GPC6: variants seen among roughly 807,000 people sequenced by gnomAD.
The protein encoded by GPC6 is glypican-6.
GPC6 carries 14 observed loss-of-function variants against 55.2 expected under a neutral mutation model. That is an observed-to-expected ratio of 0.25 (90% confidence interval 0.17 to 0.40). The LOEUF is 0.40. Ranked by LOEUF, GPC6 falls within the 10% of genes least tolerant of loss-of-function variation. The pLI, the probability that GPC6 is intolerant of heterozygous loss-of-function variation, is 1.00. For missense variants in GPC6, 641 were observed against 708.5 expected (o/e 0.90, Z 1.08); for synonymous variants, 278 against 259.6 (o/e 1.07, Z -0.68).
chr13:94,234,985 G>A (rs1356861091), intron 4 of GPC6, among the ~76,000 whole-genome samples: 1 of 152,144 alleles, frequency 6.6e-6, no homozygotes, highest in African/African-American at 2.4e-5. Context: ...TCAATGCATA[G>A]AGCCTTTTAG....
At chr13:93,495,076 G>GCAAT (rs1880205177) in intron 1 of GPC6, among the ~76,000 whole-genome samples, 1 of 114,574 alleles carries the variant, frequency 8.7e-6, no homozygotes, top group Non-Finnish European at 1.8e-5. Context: ...GGCCTGCCTT[G>GCAAT]CTAGATTGGG....
rs773575076 is a variant in GPC6 at position 94,306,004 on chromosome 13, A to G, written c.1033A>G (p.Lys345Glu). Residue 345 changes from lysine to glutamate, a missense_variant, in exon 6 of 9, where the codon AAA becomes GAA. Coordinates refer to ENST00000377047, the MANE Select transcript of GPC6 (RefSeq NM_005708.5). ...GGTCTTTCAGGGATGTGGTCAGCCC[A>G]AACCTGCTCCAGCCCTCAGATCTGC... is the stretch of plus-strand genomic sequence containing the variant. ...AKVFQGCGQP[K>E]PAPALRSARS... 9.3e-6 allele frequency: 15 copies of G among 1,614,060 alleles called. No individual in the cohort carries two copies. Among genetic ancestry groups the G allele is most frequent in the Non-Finnish European group, 8.5e-7 (1 of 1,180,030 alleles).
At chr13:93,441,207 C>T (rs1328406253) in intron 1 of GPC6, among the ~76,000 whole-genome samples, 7 of 152,132 alleles carry the variant, frequency 4.6e-5, no homozygotes, top group African/African-American at 1.2e-4. Context: ...TAGGTATATA[C>T]CCAGTAATGG....
intron 4 of GPC6, among the ~76,000 whole-genome samples, chr13:94,160,064 T>C (rs1888099636): frequency 6.6e-6 from 1 of 152,318 alleles, no homozygotes; most frequent in African/African-American, 2.4e-5. Flanking sequence ...AGTTTCAGTT[T>C]CTTATAGCCA....
intron 1 of GPC6, among the ~76,000 whole-genome samples, chr13:93,360,507 G>T (rs73544615): frequency 6.6e-6 from 1 of 152,272 alleles, no homozygotes; most frequent in East Asian, 1.9e-4. Flanking sequence ...GGATACCAGA[G>T]CCTATAAAAT....
chr13:94,383,109 C>T (rs189461881), intron 7 of GPC6, among the ~76,000 whole-genome samples: 4 of 152,292 alleles, frequency 2.6e-5, no homozygotes, highest in Admixed American at 1.3e-4. Flanking sequence ...CATCATTCTG[C>T]TCTGCTGACC....
At chr13:93,545,491 A>G in intron 2 of GPC6, 70 bp downstream of exon 2, 1 of 1,313,438 alleles carries the variant, frequency 7.6e-7, no homozygotes, top group South Asian at 1.2e-5. Context: ...GTATCATATG[A>G]AAAATATTTT....
At chr13:94,044,223 T>G (rs1421572061) in intron 4 of GPC6, among the ~76,000 whole-genome samples, 1 of 151,848 alleles carries the variant, frequency 6.6e-6, no homozygotes, top group Non-Finnish European at 1.5e-5. Context: ...CACGTATAAG[T>G]AGATATGTGT....
chr13:93,362,084 G>A (rs1422259719), intron 1 of GPC6, among the ~76,000 whole-genome samples: 1 of 152,164 alleles, frequency 6.6e-6, no homozygotes, highest in African/African-American at 2.4e-5. Context: ...GATGCTCTGG[G>A]GTATGTTTTG....
chr13:93,669,320 G>C (rs1445630954), intron 2 of GPC6, among the ~76,000 whole-genome samples: 1 of 152,094 alleles, frequency 6.6e-6, no homozygotes, highest in Non-Finnish European at 1.5e-5. Flanking sequence ...TTCCTACCTT[G>C]TGAAAAATCC....
intron 2 of GPC6, among the ~76,000 whole-genome samples, chr13:93,670,326 G>A (rs888817224): frequency 6.6e-6 from 1 of 152,174 alleles, no homozygotes; most frequent in African/African-American, 2.4e-5. Flanking sequence ...GAAGATGACT[G>A]CCATGTCTTA....
At chr13:94,067,478 GTCTCTCTCTCTC>G (rs5805845) in intron 4 of GPC6, among the ~76,000 whole-genome samples, 4 of 144,740 alleles carry the variant, frequency 2.8e-5, no homozygotes, top group Admixed American at 2.7e-4. Flanking sequence ...CTGTCTGTCT[GTCTCTCTCTCTC>G]TCTCTCTCTC....
At chr13:93,479,702 A>T (rs958569599) in intron 1 of GPC6, among the ~76,000 whole-genome samples, 48 of 152,088 alleles carry the variant, frequency 3.2e-4, no homozygotes, top group African/African-American at 9.9e-4. Flanking sequence ...ACATTTATGG[A>T]TCATCTACTT....
intron 6 of GPC6, among the ~76,000 whole-genome samples, chr13:94,372,178 C>G (rs1245252215): frequency 2.6e-5 from 4 of 152,020 alleles, no homozygotes; most frequent in African/African-American, 7.3e-5. Flanking sequence ...GGCCAGTTGT[C>G]TCATATAATA....
intron 3 of GPC6, among the ~76,000 whole-genome samples, chr13:93,949,876 A>G (rs1413549951): frequency 6.6e-6 from 1 of 151,820 alleles, no homozygotes; most frequent in Non-Finnish European, 1.5e-5. Flanking sequence ...ACGACTGCAT[A>G]CCACCACCCC....
chr13:93,377,612 A>G (rs1874971036), intron 1 of GPC6, among the ~76,000 whole-genome samples: 1 of 152,164 alleles, frequency 6.6e-6, no homozygotes, highest in African/African-American at 2.4e-5. Flanking sequence ...TAGCAGTTCT[A>G]GGAGGGGGAA....
intron 2 of GPC6, among the ~76,000 whole-genome samples, chr13:93,623,130 C>T (rs1879029189): frequency 6.6e-6 from 1 of 152,104 alleles, no homozygotes; most frequent in Non-Finnish European, 1.5e-5. Context: ...ATTGTGTATT[C>T]ATGCCACATT....
At position 93,991,186 on chromosome 13, in the gene GPC6, C is replaced by CT. The variant is rs534177220; in HGVS notation, c.712-36542dup. On this transcript the variant is annotated intron_variant, in intron 3 of 8. Coordinates refer to ENST00000377047, the MANE Select transcript of GPC6 (RefSeq NM_005708.5). Reference sequence around the variant, plus strand: ...TAGAACAGTGAAAAATTCCAAATCACTATCACATTTCAGAATAAAAGGGAA... The same window carrying CT: ...TAGAACAGTGAAAAATTCCAAATCACTTATCACATTTCAGAATAAAAGGGAA... Among the ~76,000 whole-genome samples the CT allele has an allele frequency of 5.3e-5, 8 of 152,086 alleles. No individual in the cohort carries two copies. The South Asian group carries it at 1.7e-3, about 32-fold the overall frequency.
intron 6 of GPC6, among the ~76,000 whole-genome samples, chr13:94,350,716 T>C (rs141185653): frequency 6.6e-6 from 1 of 152,308 alleles, no homozygotes; most frequent in Non-Finnish European, 1.5e-5. Flanking sequence ...CTATCCATCT[T>C]CCAGCTGTGT....
Sources: gnomAD v4.1 joint callset for allele counts (sites outside exome capture counted in the v4.1 genomes callset) on GRCh38, gnomAD v4.1.1 for gene constraint, MANE v1.5 for transcripts, NCBI Gene and HGNC (gene_info 2026-07-23, HGNC 2026-07-21) for gene names.